Variants in JMJD6 observed in about 807,000 individuals in gnomAD.
The protein encoded by JMJD6 is jumonji domain containing 6, arginine demethylase and lysine hydroxylase.
Under a neutral mutation model 45.8 loss-of-function variants are expected in JMJD6, and 17 were observed. That is an observed-to-expected ratio of 0.37 (90% confidence interval 0.25 to 0.56). The LOEUF is 0.56. Among genes scored for constraint, JMJD6 ranks in the 20% least tolerant of loss-of-function variants. The probability of loss-of-function intolerance (pLI) is 0.79; values close to 1 mark genes in which losing one functional copy is unlikely to be tolerated. For missense variants in JMJD6, 470 were observed against 517.5 expected (o/e 0.91, Z 0.89); for synonymous variants, 221 against 196.3 (o/e 1.13, Z -1.05).
intron 4 of JMJD6, 80 bp from the exon 5 acceptor site, chr17:76,720,578 G>C: frequency 6.9e-7 from 1 of 1,455,818 alleles, no homozygotes; most frequent in Non-Finnish European, 9.6e-7. Context: ...CGAGGCCTGT[G>C]TCTCTCAGAA....
chr17:76,724,283 G>A (rs928410034), intron 2 of JMJD6, among the ~76,000 whole-genome samples: 2 of 151,858 alleles, frequency 1.3e-5, no homozygotes, highest in Non-Finnish European at 1.5e-5. Flanking sequence ...CACCACGCCT[G>A]GCTAATTTTT....
intron 2 of JMJD6, among the ~76,000 whole-genome samples, chr17:76,724,635 G>A (rs1334698677): frequency 1.3e-5 from 2 of 151,590 alleles, no homozygotes; most frequent in Non-Finnish European, 2.9e-5. Context: ...TGACCAATAC[G>A]GTGAAACCCC....
Position 76,721,710 on chromosome 17 carries a change from G to C in JMJD6, c.941+88C>G. The C allele has an allele frequency of 2.1e-6, 3 of 1,412,026 alleles. No individual in the cohort carries two copies. The South Asian group carries it at 3.7e-5, about 18-fold the overall frequency. 87.5% of individuals were successfully genotyped at this position (1,412,026 alleles called of 1,614,324 possible). A position where few individuals can be genotyped will look rare whatever the true frequency, so the allele number is the denominator to read the frequency against. ...CTTTGCCCAGGCCTGTGTACGATCA[G>C]CACACATCATCGCAGCAGTGGACTA... On this transcript the variant is annotated intron_variant, in intron 4 of 5. Coordinates refer to ENST00000397625, the MANE Select transcript of JMJD6 (RefSeq NM_015167.3).
chr17:76,720,482 G>A lies in JMJD6; in HGVS notation c.958C>T (p.His320Tyr), dbSNP rs760858384. The change falls in exon 5 of 6, where the codon CAC becomes TAC. Residue 320 changes from histidine (H) to tyrosine (Y), a missense_variant. By Grantham distance (83) the His-to-Tyr change is moderately conservative (BLOSUM62 2). Around this residue, in one of 4 missense-constraint regions of JMJD6, gnomAD observed 58 missense variants for 103.9 expected, o/e 0.56. Transcript: ENST00000397625. Reference sequence around the variant, plus strand: ...TCTGCGAGGACTGCCAACTCGGGGTGCTCTTGCTTCAAAATCCTGAGAGGC... The same window carrying A: ...TCTGCGAGGACTGCCAACTCGGGGTACTCTTGCTTCAAAATCCTGAGAGGC... ...RKWYRILKQE[H>Y]PELAVLADSV... 18 of 1,614,092 alleles carry A rather than the reference G, an allele frequency of 1.1e-5. No homozygotes were observed. Among genetic ancestry groups the A allele is most frequent in the Non-Finnish European group, 1.4e-5 (17 of 1,179,970 alleles).
intron 3 of JMJD6, among the ~76,000 whole-genome samples, chr17:76,723,009 C>T (rs2076847484): frequency 6.7e-6 from 1 of 149,432 alleles, no homozygotes; most frequent in African/African-American, 2.5e-5. Context: ...TGCAGTGACA[C>T]AATCTCAGCT....
chr17:76,718,149 A>G (rs1331831012), downstream of JMJD6, among the ~76,000 whole-genome samples: 1 of 129,848 alleles, frequency 7.7e-6, no homozygotes, highest in African/African-American at 2.9e-5. Context: ...GGCAAGAGCG[A>G]GACCCTGTCT....
chr17:76,720,418 T>C lies in JMJD6; in HGVS notation c.1022A>G (p.Asp341Gly). The C allele has an allele frequency of 6.2e-7, 1 of 1,614,104 alleles. No homozygotes were observed. Among genetic ancestry groups the C allele is most frequent in the Non-Finnish European group, 8.5e-7 (1 of 1,179,996 alleles). ...GGAGCTGGAAGAGTCGCTGGAGCTG[T>C]CGGAAGCTATCCCTGTGGACTCCTG... ...DLQESTGIAS[D>G]SSSDSSSSSS... The change falls in exon 5 of 6, where the codon GAC (aspartate) becomes GGC (glycine). Residue 341 changes from aspartate to glycine, a missense_variant. Physicochemically the swap from Asp to Gly is moderately conservative, Grantham distance 94. Around this residue, in one of 4 missense-constraint regions of JMJD6, gnomAD observed 58 missense variants for 103.9 expected, o/e 0.56. Coordinates refer to ENST00000397625, the MANE Select transcript of JMJD6 (RefSeq NM_015167.3).
intron 3 of JMJD6, among the ~76,000 whole-genome samples, chr17:76,723,022 C>A (rs558592042): frequency 6.6e-6 from 1 of 150,472 alleles, no homozygotes; most frequent in South Asian, 2.1e-4. Flanking sequence ...TCTCAGCTCA[C>A]TGCAGCCTCC....
In JMJD6 at chr17:76,721,662, AC is replaced by A. The variant is rs150031396; in HGVS notation, c.941+135del. 1.3e-3 allele frequency: 1,227 copies of A among 969,778 alleles called. 12 individuals carry two copies. In the African/African-American group the frequency reaches 0.013, roughly 10 times the overall value. The allele number at this position is 969,778 out of a possible 1,614,324, so 60.1% of individuals were successfully genotyped here. A position where few individuals can be genotyped will look rare whatever the true frequency, so the allele number is the denominator to read the frequency against. Reference sequence around the variant, plus strand: ...CCTGACCTTGGCCCCTCTCTCCTCTACCCAGAGGGTCGGCAGCCCCAGCTTT... The same window carrying A: ...CCTGACCTTGGCCCCTCTCTCCTCTACCAGAGGGTCGGCAGCCCCAGCTTT... On this transcript the variant is annotated intron_variant, in intron 4 of 5. Coordinates refer to ENST00000397625, the MANE Select transcript of JMJD6 (RefSeq NM_015167.3).
chr17:76,726,589 C>T lies in JMJD6; in HGVS notation c.-114G>A. 2 of 1,385,768 alleles carry T rather than the reference C, an allele frequency of 1.4e-6. No individual in the cohort carries two copies. Among genetic ancestry groups the T allele is most frequent in the Non-Finnish European group, 1.9e-6 (2 of 1,045,132 alleles). The allele number at this position is 1,385,768 out of a possible 1,614,324, so 85.8% of individuals were successfully genotyped here. A position where few individuals can be genotyped will look rare whatever the true frequency, so the allele number is the denominator to read the frequency against. ...GACGGCAGTACCCAAACGCCCTTCG[C>T]TCAGTCCCGGCGCCTTTAAAGTCGC... is the stretch of plus-strand genomic sequence containing the variant. On this transcript the variant is annotated 5_prime_UTR_variant, in exon 1 of 6. Coordinates refer to ENST00000397625, the MANE Select transcript of JMJD6 (RefSeq NM_015167.3).
At chr17:76,715,394 A>G (rs1179134611), downstream of JMJD6, 1 of 152,218 alleles carries the variant, frequency 6.6e-6, no homozygotes, top group African/African-American at 2.4e-5. Context: ...TGGGGTTGGC[A>G]TTTGAGGATG....
At chr17:76,721,761 T>C (rs1198855261) in intron 4 of JMJD6, 37 bp downstream of exon 4, 1 of 1,606,522 alleles carries the variant, frequency 6.2e-7, no homozygotes, top group East Asian at 2.2e-5. Context: ...GGGTCGAAAT[T>C]GAAACCAAGC....
chr17:76,723,985 C>T lies in JMJD6; in HGVS notation c.592G>A (p.Ala198Thr). ...IDPLGTSAWN[A>T]LVQGHKRWCL... Reference sequence around the variant, plus strand: ...CAGCGCTTGTGGCCCTGAACTAAGGCATTCCAGGCACTGGTTCCCAGAGGG... The same window carrying T: ...CAGCGCTTGTGGCCCTGAACTAAGGTATTCCAGGCACTGGTTCCCAGAGGG... The change falls in exon 3 of 6, where the codon GCC becomes ACC. Residue 198 changes from alanine to threonine, a missense_variant. By Grantham distance (58) the Ala-to-Thr change is moderately conservative. Transcript: ENST00000397625. 1 of 1,614,190 alleles carries T rather than the reference C, an allele frequency of 6.2e-7. No homozygotes were observed.
rs763494630 is a variant in JMJD6 at position 76,718,606 on chromosome 17, G to A, written c.*123C>T. 1.1e-5 allele frequency: 16 copies of A among 1,481,996 alleles called. No homozygotes were observed. The highest frequency in any genetic ancestry group is 1.4e-5 in the Non-Finnish European group (16 of 1,121,320). 91.8% of individuals were successfully genotyped at this position (1,481,996 alleles called of 1,614,324 possible). On this transcript the variant is annotated 3_prime_UTR_variant, in exon 6 of 6. Transcript: ENST00000397625. ...CTAAGTGAATGGGTTCCCGTGCCGA[G>A]GGTGTCCTCATTCTTGGGCTCTGTC...
chr17:76,715,790 CAAA>C (rs2076759560), downstream of JMJD6: 1 of 152,190 alleles, frequency 6.6e-6, no homozygotes, highest in South Asian at 2.1e-4. Flanking sequence ...GGTCAATCCC[CAAA>C]AAGTCATCCA....
At chr17:76,720,548 C>G in intron 4 of JMJD6, 50 bp from the exon 5 acceptor site, 3 of 1,595,210 alleles carry the variant, frequency 1.9e-6, no homozygotes, top group Non-Finnish European at 2.6e-6. Flanking sequence ...CATACCCACT[C>G]ACAAAGACTC....
chr17:76,718,013 A>C (rs1204319657), downstream of JMJD6, among the ~76,000 whole-genome samples: 1 of 150,848 alleles, frequency 6.6e-6, no homozygotes, highest in Non-Finnish European at 1.5e-5. Flanking sequence ...TAAAAAAAAA[A>C]TAAGCTGGGC....
chr17:76,725,406 CAAAAAAAAAA>C (rs36106744), intron 2 of JMJD6, 51 bp downstream of exon 2: 31 of 959,114 alleles, frequency 3.2e-5, no homozygotes, highest in South Asian at 2.4e-4. Context: ...CGCTCTGTCT[CAAAAAAAAAA>C]AAAAAAAAAA....
chr17:76,724,147 G>A, intron 2 of JMJD6, 89 bp from the exon 3 acceptor site: 3 of 1,412,652 alleles, frequency 2.1e-6, no homozygotes, highest in Non-Finnish European at 1.9e-6. Context: ...TTCTTTGAGA[G>A]TCTTGCTCTA....
Sources: gnomAD v4.1 joint callset for allele counts (sites outside exome capture counted in the v4.1 genomes callset) on GRCh38, gnomAD v4.1.1 for gene constraint, gnomAD v4.1.1 regional missense constraint, MANE v1.5 for transcripts, NCBI Gene and HGNC (gene_info 2026-07-23, HGNC 2026-07-21) for gene names.